MYOC: variants seen among roughly 807,000 people sequenced by gnomAD.
The protein encoded by MYOC is juvenile-onset open-angle glaucoma 1.
In MYOC, 29 loss-of-function variants were observed where a neutral mutation model predicts 28.2. The observed-to-expected ratio is 1.03, with a 90% CI of 0.77 to 1.40. The LOEUF (loss-of-function observed/expected upper bound fraction) is 1.40, where lower values mean the gene tolerates loss of function less well. Ranked by LOEUF, MYOC falls within the 40% of genes most tolerant of loss-of-function variation. The probability of loss-of-function intolerance (pLI) is 0.00; values close to 1 mark genes in which losing one functional copy is unlikely to be tolerated. For synonymous variants in MYOC, 240 were observed against 245.6 expected (o/e 0.98, Z 0.21); for missense variants, 569 against 620.6 (o/e 0.92, Z 0.88).
At position 171,636,610 on chromosome 1, in the gene MYOC, G is replaced by C. The variant is rs1652929676; in HGVS notation, c.830C>G (p.Thr277Ser). 6.2e-7 allele frequency: 1 copy of C among 1,613,260 alleles called. No homozygotes were observed. The highest frequency in any genetic ancestry group is 1.3e-5 in the African/African-American group (1 of 74,918). ...YGVWMRDPKP[T>S]YPYTQETTWR... ...CGTGGTCTCCTGGGTGTAGGGGTAG[G>C]TGGGCTTGGGGTCTCGCATCCACAC... is the stretch of plus-strand genomic sequence containing the variant. Residue 277 changes from threonine (T) to serine (S), a missense_variant, in exon 3 of 3, where the codon ACC (threonine) becomes AGC (serine). Physicochemically the swap from Thr to Ser is moderately conservative, Grantham distance 58. Coordinates refer to ENST00000037502, the MANE Select transcript of MYOC (RefSeq NM_000261.2).
At chr1:171,651,181 C>G (rs1470686277) in intron 1 of MYOC, among the ~76,000 whole-genome samples, 1 of 152,122 alleles carries the variant, frequency 6.6e-6, no homozygotes, top group African/African-American at 2.4e-5. Flanking sequence ...CATCTTTGAC[C>G]AGTCCAAACT....
intron 1 of MYOC, among the ~76,000 whole-genome samples, chr1:171,642,888 T>C (rs235872): frequency 7.3e-6 from 1 of 136,688 alleles, no homozygotes; most frequent in East Asian, 2.3e-4. Flanking sequence ...AGTCTATGTT[T>C]AAAAAAAAAA....
chr1:171,647,819 G>A (rs531319207), intron 1 of MYOC, among the ~76,000 whole-genome samples: 1 of 152,274 alleles, frequency 6.6e-6, no homozygotes, highest in East Asian at 1.9e-4. Flanking sequence ...GCCTCTTGCA[G>A]TTATCACCTG....
intron 1 of MYOC, among the ~76,000 whole-genome samples, chr1:171,642,781 C>G (rs1054593952): frequency 1.2e-4 from 18 of 151,422 alleles, no homozygotes; most frequent in African/African-American, 4.4e-4. Context: ...ATTTATCCAT[C>G]CTTTTAGTCA....
At chr1:171,640,032 T>A (rs1227836794) in intron 1 of MYOC, among the ~76,000 whole-genome samples, 6 of 149,540 alleles carry the variant, frequency 4.0e-5, no homozygotes, top group Non-Finnish European at 7.4e-5. Context: ...GGAGGAGTAC[T>A]TGAGCCCAGG....
chr1:171,646,282 G>A (rs1282807192), intron 1 of MYOC, among the ~76,000 whole-genome samples: 2 of 152,174 alleles, frequency 1.3e-5, no homozygotes, highest in African/African-American at 2.4e-5. Context: ...CCAGTATGCT[G>A]AGCTGAATTG....
In MYOC at chr1:171,636,193, G is replaced by T. The variant is rs779654151; in HGVS notation, c.1247C>A (p.Thr416Asn). Reference protein sequence around the residue: ...LNPENLELEQTWETNIRKQSV... With the variant: ...LNPENLELEQNWETNIRKQSV... ...CTGCTTACGGATGTTTGTCTCCCAG[G>T]TTTGTTCGAGTTCCAGATTCTCTGG... is the stretch of plus-strand genomic sequence containing the variant. The change falls in exon 3 of 3, where the codon ACC becomes AAC. Residue 416 changes from threonine (T) to asparagine (N), a missense_variant. By Grantham distance (65) the Thr-to-Asn change is moderately conservative. Coordinates refer to ENST00000037502, the MANE Select transcript of MYOC (RefSeq NM_000261.2). 4 of 1,614,164 alleles carry T rather than the reference G, an allele frequency of 2.5e-6. No individual in the cohort carries two copies. Among genetic ancestry groups the T allele is most frequent in the Non-Finnish European group, 3.4e-6 (4 of 1,180,022 alleles).
At chr1:171,646,566 A>T (rs543421319) in intron 1 of MYOC, among the ~76,000 whole-genome samples, 1 of 147,590 alleles carries the variant, frequency 6.8e-6, no homozygotes, top group South Asian at 2.1e-4. Flanking sequence ...GCATGATCTC[A>T]GCTCATTGCA....
At chr1:171,640,945 T>C (rs970742091) in intron 1 of MYOC, among the ~76,000 whole-genome samples, 5 of 152,112 alleles carry the variant, frequency 3.3e-5, no homozygotes, top group Non-Finnish European at 7.4e-5. Flanking sequence ...TTTAGGGCAA[T>C]GAATACTGTG....
chr1:171,643,073 T>G (rs918669823), intron 1 of MYOC, among the ~76,000 whole-genome samples: 5 of 152,110 alleles, frequency 3.3e-5, no homozygotes, highest in African/African-American at 9.7e-5. Context: ...CGTCTCCTTC[T>G]CCCTATCTGA....
intron 1 of MYOC, among the ~76,000 whole-genome samples, chr1:171,643,827 C>T (rs564317244): frequency 1.4e-4 from 22 of 151,952 alleles, no homozygotes; most frequent in African/African-American, 5.1e-4. Context: ...AAAAATTAGC[C>T]GGGCATAGTG....
intron 2 of MYOC, among the ~76,000 whole-genome samples, chr1:171,638,385 G>A (rs895000565): frequency 6.6e-6 from 1 of 152,188 alleles, no homozygotes; most frequent in Non-Finnish European, 1.5e-5. Context: ...AGAGGGCTTT[G>A]TTAGGGAAAG....
At chr1:171,642,316 T>A (rs1379945558) in intron 1 of MYOC, among the ~76,000 whole-genome samples, 2 of 152,112 alleles carry the variant, frequency 1.3e-5, no homozygotes, top group African/African-American at 4.8e-5. Context: ...TGTAAGTAGT[T>A]AAAACCCATA....
chr1:171,636,516 C>T lies in MYOC; in HGVS notation c.924G>A (p.Met308Ile), dbSNP rs1382463589. The T allele has an allele frequency of 1.1e-5, 17 of 1,610,074 alleles. No individual in the cohort carries two copies. Among genetic ancestry groups the T allele is most frequent in the Non-Finnish European group, 1.4e-5 (16 of 1,177,606 alleles). ...VFEYDLISQF[M>I]QGYPSKVHIL... The stretch of plus-strand genomic sequence containing the variant: ...TGTGAACCTTAGAAGGGTAGCCCTG[C>T]ATAAACTGGCTGATGAGGTCATACT... The change falls in exon 3 of 3, where the codon ATG becomes ATA. Residue 308 changes from methionine (M) to isoleucine (I), a missense_variant. Transcript: ENST00000037502.
At chr1:171,650,760 C>T (rs193194122) in intron 1 of MYOC, among the ~76,000 whole-genome samples, 1 of 152,156 alleles carries the variant, frequency 6.6e-6, no homozygotes, top group Non-Finnish European at 1.5e-5. Context: ...TACTTAGATT[C>T]ACCAGTTTGT....
At chr1:171,645,193 G>A (rs1399491953) in intron 1 of MYOC, among the ~76,000 whole-genome samples, 1 of 152,180 alleles carries the variant, frequency 6.6e-6, no homozygotes, top group African/African-American at 2.4e-5. Context: ...ATTTGTTGGA[G>A]TCCTACCCCA....
intron 1 of MYOC, among the ~76,000 whole-genome samples, chr1:171,644,519 A>G (rs1204803648): frequency 3.3e-5 from 5 of 152,008 alleles, no homozygotes; most frequent in Admixed American, 6.6e-5. Context: ...GCATTTTCAC[A>G]GATGACTTCC....
chr1:171,639,096 G>C (rs603930), intron 1 of MYOC, among the ~76,000 whole-genome samples: 111,258 of 151,984 alleles, frequency 0.73, 40,880 homozygotes, highest in Middle Eastern at 0.84. Flanking sequence ...AACTCTGTCT[G>C]AAAACTAACT....
chr1:171,641,065 G>A (rs1450482978), intron 1 of MYOC, among the ~76,000 whole-genome samples: 1 of 152,190 alleles, frequency 6.6e-6, no homozygotes, highest in Non-Finnish European at 1.5e-5. Context: ...GGTGTTGTGC[G>A]TGCTGATGCA....
Sources: allele counts gnomAD v4.1 joint callset (sites outside exome capture counted in the v4.1 genomes callset), GRCh38; gene constraint gnomAD v4.1.1; transcripts MANE v1.5; gene names NCBI Gene and HGNC (gene_info 2026-07-23, HGNC 2026-07-21).